Variants in ZNF91 observed in about 807,000 individuals in gnomAD.
The protein encoded by ZNF91 is zinc finger protein 91 (HPF7, HTF10).
In ZNF91, 7 loss-of-function variants were observed where a neutral mutation model predicts 12.6. That is an observed-to-expected ratio of 0.55 (90% CI 0.31 to 1.04). The LOEUF (loss-of-function observed/expected upper bound fraction) is 1.04, where lower values mean the gene tolerates loss of function less well. Among genes scored for constraint, ZNF91 ranks in the 50% least tolerant of loss-of-function variants. The pLI, the probability that ZNF91 is intolerant of heterozygous loss-of-function variation, is 0.05. For synonymous variants in ZNF91, 453 were observed against 462.6 expected (o/e 0.98, Z 0.27); for missense variants, 1,217 against 1,385.4 (o/e 0.88, Z 1.93).
intron 3 of ZNF91, chr19:23,339,220 T>G (rs935385615): frequency 6.6e-6 from 1 of 151,880 alleles, no homozygotes; most frequent in Admixed American, 6.6e-5. Flanking sequence ...AATAGGAGTA[T>G]CTATACTTAC....
intron 1 of ZNF91, among the ~76,000 whole-genome samples, chr19:23,309,510 G>A (rs550533627): frequency 6.6e-5 from 10 of 152,268 alleles, no homozygotes; most frequent in Admixed American, 5.9e-4. Context: ...ATCCCTGGCT[G>A]AGAACCCAGG....
intron 2 of ZNF91, 63 bp downstream of exon 2, chr19:23,374,575 A>AAG (rs1969430077): frequency 8.3e-6 from 12 of 1,447,550 alleles, no homozygotes; most frequent in African/African-American, 1.5e-5. Context: ...AAAAAAAAAA[A>AAG]AAAAAGAAAA....
chr19:23,310,063 G>A (rs1967449359), intron 1 of ZNF91, among the ~76,000 whole-genome samples: 1 of 152,062 alleles, frequency 6.6e-6, no homozygotes, highest in Admixed American at 6.6e-5. Flanking sequence ...CTCCTATCTG[G>A]ACCCAGCCAA....
chr19:23,343,934 A>G (rs1568374777), intron 3 of ZNF91, among the ~76,000 whole-genome samples: 1 of 152,190 alleles, frequency 6.6e-6, no homozygotes, highest in Non-Finnish European at 1.5e-5. Context: ...ATACCTGTTA[A>G]TAATACAGTT....
intron 1 of ZNF91, among the ~76,000 whole-genome samples, chr19:23,378,460 CA>C (rs1470319966): frequency 1.3e-5 from 2 of 151,220 alleles, no homozygotes; most frequent in Non-Finnish European, 2.9e-5. Flanking sequence ...AGCTAAAAAA[CA>C]AAAACGAAAA....
downstream of ZNF91, among the ~76,000 whole-genome samples, chr19:23,353,764 A>G (rs1046571801): frequency 2.0e-5 from 3 of 152,206 alleles, no homozygotes; most frequent in Non-Finnish European, 4.4e-5. Context: ...AACAGGAGAT[A>G]TAATAACTGA....
downstream of ZNF91, among the ~76,000 whole-genome samples, chr19:23,333,934 C>T (rs1764482956): frequency 6.6e-6 from 1 of 152,048 alleles, no homozygotes; most frequent in Non-Finnish European, 1.5e-5. Flanking sequence ...TTTTTTGATG[C>T]CCACACCTGG....
downstream of ZNF91, among the ~76,000 whole-genome samples, chr19:23,353,381 T>C (rs1968413643): frequency 6.6e-6 from 1 of 151,940 alleles, no homozygotes; most frequent in South Asian, 2.1e-4. Flanking sequence ...ACAAAATCAA[T>C]ATAGAAATAA....
At position 23,360,685 on chromosome 19, in the gene ZNF91, G is replaced by T; in HGVS notation, c.2294C>A (p.Thr765Asn). 6.2e-7 allele frequency: 1 copy of T among 1,613,916 alleles called. No homozygotes were observed. The highest frequency in any genetic ancestry group is 8.5e-7 in the Non-Finnish European group (1 of 1,179,906). ...SSLTKHKRIH[T>N]REKPFKCKEC... The stretch of plus-strand genomic sequence containing the variant: ...TTTACATTTGAAGGGTTTCTCTCTA[G>T]TATGAATTCTTTTATGTTTAGTAAG... Residue 765 changes from threonine to asparagine, a missense_variant, in exon 4 of 4, where the codon ACT becomes AAT. By Grantham distance (65) the Thr-to-Asn change is moderately conservative. Around this residue, in one of 2 missense-constraint regions of ZNF91, gnomAD observed 726 missense variants for 895.5 expected, o/e 0.81. Transcript: ENST00000300619.
chr19:23,373,936 T>C (rs1417941073), intron 2 of ZNF91, 99 bp from the exon 3 acceptor site: 3 of 660,184 alleles, frequency 4.5e-6, no homozygotes, highest in Non-Finnish European at 7.0e-6. Context: ...AATATTCTAA[T>C]AAATTGTCCC....
chr19:23,328,788 G>GT (rs1967880243), intron 1 of ZNF91: 1 of 152,178 alleles, frequency 6.6e-6, no homozygotes, highest in Middle Eastern at 3.2e-3. Context: ...GGTTTAAGAG[G>GT]TAAGAGAGGC....
rs566126944 is a variant in ZNF91 at position 23,342,502 on chromosome 19, GCAACAGTATTTAA to G, written c.254-3461_254-3449del. Among the ~76,000 whole-genome samples, 1,180 of 152,192 alleles carry G rather than the reference GCAACAGTATTTAA, an allele frequency of 7.8e-3. 7 individuals carry two copies. The highest frequency in any genetic ancestry group is 0.014 in the Middle Eastern group (4 of 294). ...CTGGATATTGGATTTTAATATTTGT[GCAACAGTATTTAA>G]TGCCACTGAATTTCTAGAATTATCA... is the stretch of plus-strand genomic sequence containing the variant. On this transcript the variant is annotated intron_variant, in intron 3 of 3. Transcript: ENST00000599743.
At chr19:23,334,035 A>G (rs532897564), downstream of ZNF91, among the ~76,000 whole-genome samples, 1 of 152,350 alleles carries the variant, frequency 6.6e-6, no homozygotes, top group African/African-American at 2.4e-5. Context: ...CAAGTGGAGA[A>G]CTGGCAAGTG....
At chr19:23,314,836 C>T (rs1429933366), upstream of ZNF91, among the ~76,000 whole-genome samples, 1 of 152,200 alleles carries the variant, frequency 6.6e-6, no homozygotes, top group Non-Finnish European at 1.5e-5. Context: ...TTGCTGGGCA[C>T]AGCACCTAGG....
intron 3 of ZNF91, 51 bp from the exon 4 acceptor site, chr19:23,362,776 C>T (rs1968866357): frequency 7.4e-7 from 1 of 1,342,618 alleles, no homozygotes; most frequent in African/African-American, 1.5e-5. Context: ...CCTAGACTCA[C>T]ATGAATATAG....
At chr19:23,311,232 A>T (rs1442171155), upstream of ZNF91, among the ~76,000 whole-genome samples, 1 of 151,732 alleles carries the variant, frequency 6.6e-6, no homozygotes, top group African/African-American at 2.4e-5. Context: ...AACATCTTGG[A>T]CTCTGACCAA....
rs757869359 is a variant in ZNF91 at position 23,373,777 on chromosome 19, T to C, written c.218A>G (p.Asn73Ser). 4 of 1,611,714 alleles carry C rather than the reference T, an allele frequency of 2.5e-6. No individual in the cohort carries two copies. The highest frequency in any genetic ancestry group is 3.4e-6 in the Non-Finnish European group (4 of 1,178,588). The change falls in exon 3 of 4, where the codon AAT (asparagine) becomes AGT (serine). Residue 73 changes from asparagine to serine, a missense_variant. Asn to Ser is a conservative substitution (Grantham distance 46). Coordinates refer to ENST00000300619, the MANE Select transcript of ZNF91 (RefSeq NM_003430.4). ...TYLEQGKEPW[N>S]MKQHEMVDEP... ...ATCCACCATCTCATGTTGCTTCATA[T>C]TCCAGGGCTCTTTTCCTTGCTCCAG...
At chr19:23,380,075 T>G (rs867854118) in intron 1 of ZNF91, among the ~76,000 whole-genome samples, 9 of 151,572 alleles carry the variant, frequency 5.9e-5, no homozygotes, top group African/African-American at 2.2e-4. Context: ...GTCAACATAG[T>G]GAAGCCCCAT....
chr19:23,368,412 G>A (rs970172060), intron 3 of ZNF91, among the ~76,000 whole-genome samples: 2 of 151,850 alleles, frequency 1.3e-5, no homozygotes, highest in African/African-American at 2.4e-5. Context: ...CTACTCAGGA[G>A]GCTGAGGCAG....
Sources: allele counts gnomAD v4.1 joint callset (sites outside exome capture counted in the v4.1 genomes callset), GRCh38; gene constraint gnomAD v4.1.1; regional missense constraint gnomAD v4.1.1; transcripts MANE v1.5; gene names NCBI Gene and HGNC (gene_info 2026-07-23, HGNC 2026-07-21).